UNK: variants seen among roughly 807,000 people sequenced by gnomAD.
UNK encodes the protein RING finger protein unkempt homolog.
Under a neutral mutation model 97.6 loss-of-function variants are expected in UNK, and 32 were observed. The ratio of observed to expected loss-of-function variants is 0.33; its 90% CI spans 0.25 to 0.44. The LOEUF is 0.44. Among genes scored for constraint, UNK ranks in the 20% least tolerant of loss-of-function variants. The pLI, the probability that UNK is intolerant of heterozygous loss-of-function variation, is 1.00. For missense variants in UNK, 771 were observed against 1,098.4 expected (o/e 0.70, Z 4.21); for synonymous variants, 441 against 461.2 (o/e 0.96, Z 0.56).
At chr17:75,811,573 C>T (rs972142557) in intron 2 of UNK, among the ~76,000 whole-genome samples, 3 of 152,238 alleles carry the variant, frequency 2.0e-5, no homozygotes, top group Non-Finnish European at 1.5e-5. Context: ...CCTGGAATGC[C>T]AGGCCCTGTT....
intron 1 of UNK, among the ~76,000 whole-genome samples, chr17:75,804,690 A>T (rs1394970912): frequency 6.6e-6 from 1 of 151,270 alleles, no homozygotes; most frequent in East Asian, 1.9e-4. Flanking sequence ...AAATACAAAA[A>T]TTAGCCAGGT....
intron 1 of UNK, among the ~76,000 whole-genome samples, chr17:75,788,399 C>T (rs570532233): frequency 2.6e-5 from 4 of 152,136 alleles, no homozygotes; most frequent in South Asian, 4.1e-4. Flanking sequence ...AGGCTGATCT[C>T]GAACTCCTAA....
In UNK at chr17:75,823,657, A is replaced by G. The variant is rs1227064259; in HGVS notation, c.2277+135A>G. The G allele has an allele frequency of 7.0e-6, 9 of 1,288,718 alleles. No individual in the cohort carries two copies. In the African/African-American group the frequency reaches 1.2e-4, roughly 17 times the overall value. The allele number at this position is 1,288,718 out of a possible 1,614,324, so 79.8% of individuals were successfully genotyped here. On this transcript the variant is annotated intron_variant, in intron 15 of 15. Transcript: ENST00000589666. ...CTGCCCAGCACTGGGCCAGCACTCA[A>G]AAGGCCGGCCTGCTGGGAATGGGTG... is the stretch of plus-strand genomic sequence containing the variant.
intron 1 of UNK, among the ~76,000 whole-genome samples, chr17:75,787,262 A>T (rs1048670290): frequency 1.3e-5 from 2 of 151,976 alleles, no homozygotes; most frequent in African/African-American, 4.8e-5. Context: ...TCCAGGCTAT[A>T]GTGCAGTGTC....
chr17:75,789,779 C>G (rs941779331), intron 1 of UNK, among the ~76,000 whole-genome samples: 1 of 152,122 alleles, frequency 6.6e-6, no homozygotes, highest in Non-Finnish European at 1.5e-5. Flanking sequence ...GTAGCAATCA[C>G]GTCTCAAAAT....
chr17:75,785,311 T>G, intron 1 of UNK: 1 of 254,282 alleles, frequency 3.9e-6, no homozygotes, highest in South Asian at 6.0e-5. Flanking sequence ...TAGGCTCCTT[T>G]GGGGCAGTGA....
intron 1 of UNK, among the ~76,000 whole-genome samples, chr17:75,805,777 A>G (rs779260504): frequency 1.3e-4 from 20 of 151,278 alleles, no homozygotes; most frequent in South Asian, 4.2e-4. Context: ...CAGCCTGGGC[A>G]ACAGAGCGAG....
intron 1 of UNK, among the ~76,000 whole-genome samples, chr17:75,790,532 C>T (rs780491063): frequency 1.8e-4 from 27 of 151,502 alleles, no homozygotes; most frequent in Non-Finnish European, 3.5e-4. Flanking sequence ...CTCAGGAGGC[C>T]GAGGTGGGAG....
rs2062024448 is a variant in UNK at position 75,817,190 on chromosome 17, G to A, written c.1105-136G>A. ...CCTTCGTGAGCTTCGGGCTCCCCGAGTGGTCACTGCTGCTCGTTGGCAGAT... is the reference window on the plus strand; with the variant it reads ...CCTTCGTGAGCTTCGGGCTCCCCGAATGGTCACTGCTGCTCGTTGGCAGAT... On this transcript the variant is annotated intron_variant, in intron 8 of 15. Coordinates refer to ENST00000589666, the MANE Select transcript of UNK (RefSeq NM_001080419.3). This position sits in a 1 kb window ranked among gnomAD's most constrained non-coding sequence, Gnocchi z 5.8. 1 of 1,109,046 alleles carries A rather than the reference G, an allele frequency of 9.0e-7. No individual in the cohort carries two copies. The highest frequency in any genetic ancestry group is 2.5e-5 in the East Asian group (1 of 39,862). The allele number at this position is 1,109,046 out of a possible 1,614,324, so 68.7% of individuals were successfully genotyped here.
At chr17:75,807,506 A>G (rs191545677) in intron 1 of UNK, among the ~76,000 whole-genome samples, 1 of 152,352 alleles carries the variant, frequency 6.6e-6, no homozygotes, top group East Asian at 1.9e-4. Flanking sequence ...CCCTGGCTGG[A>G]GTGCAATGGC....
intron 1 of UNK, among the ~76,000 whole-genome samples, chr17:75,806,994 G>A (rs79545349): frequency 6.6e-6 from 1 of 152,318 alleles, no homozygotes; most frequent in East Asian, 1.9e-4. Flanking sequence ...GCCAGCCAGA[G>A]CCTCTGTGGA....
At chr17:75,785,655 A>C (rs1392455778) in intron 1 of UNK, 2 of 152,230 alleles carry the variant, frequency 1.3e-5, no homozygotes, top group African/African-American at 2.4e-5. Flanking sequence ...GGGAGCCCCA[A>C]ATACTGACAC....
At chr17:75,786,412 C>G (rs1479758610) in intron 1 of UNK, among the ~76,000 whole-genome samples, 2 of 152,258 alleles carry the variant, frequency 1.3e-5, no homozygotes, top group East Asian at 3.9e-4. Context: ...GCTTCAGCAA[C>G]TTGTGTTTCT....
chr17:75,824,473 T>TATATATATATATATGA lies in UNK; in HGVS notation c.*72_*87dup, dbSNP rs1491353577. The TATATATATATATATGA allele has an allele frequency of 1.2e-6, 1 of 844,206 alleles. No individual in the cohort carries two copies. Among genetic ancestry groups the TATATATATATATATGA allele is most frequent in the African/African-American group, 1.8e-5 (1 of 54,832 alleles). The allele number at this position is 844,206 out of a possible 1,614,324, so 52.3% of individuals were successfully genotyped here. On this transcript the variant is annotated 3_prime_UTR_variant, in exon 16 of 16. Coordinates refer to ENST00000589666, the MANE Select transcript of UNK (RefSeq NM_001080419.3). This position sits in a 1 kb window ranked among gnomAD's most constrained non-coding sequence, Gnocchi z 4.9. Reference sequence around the variant, plus strand: ...TCTTCTCACCTAGGACTTTTTAAAGTATATATATATATATGAATATATATA... The same window carrying TATATATATATATATGA: ...TCTTCTCACCTAGGACTTTTTAAAGTATATATATATATATGAATATATATATATATGAATATATATA...
Position 75,824,518 on chromosome 17 carries a change from G to C in UNK, c.*101G>C, listed in dbSNP as rs1381339629. 1.8e-5 allele frequency: 15 copies of C among 846,886 alleles called. No homozygotes were observed. Among genetic ancestry groups the C allele is most frequent in the Non-Finnish European group, 2.1e-5 (14 of 660,282 alleles). The allele number at this position is 846,886 out of a possible 1,614,324, so 52.5% of individuals were successfully genotyped here. A position where few individuals can be genotyped will look rare whatever the true frequency, so the allele number is the denominator to read the frequency against. On this transcript the variant is annotated 3_prime_UTR_variant, in exon 16 of 16. Coordinates refer to ENST00000589666, the MANE Select transcript of UNK (RefSeq NM_001080419.3). The surrounding 1 kb of genome is among the most constrained non-coding windows in gnomAD (Gnocchi z 4.9). Reference sequence around the variant, plus strand: ...TATATATATATGTGTATGTATGTATGTATATGTATATGATTATGTATATGT... The same window carrying C: ...TATATATATATGTGTATGTATGTATCTATATGTATATGATTATGTATATGT...
In UNK at chr17:75,819,410, G is replaced by A. The variant is rs1023928530; in HGVS notation, c.1547-274G>A. Among the ~76,000 whole-genome samples, 8 of 152,296 alleles carry A rather than the reference G, an allele frequency of 5.3e-5. No homozygotes were observed. In the South Asian group the frequency reaches 1.0e-3, roughly 20 times the overall value. ...ACATCAGGGGACAAGACCCTTGTCCGAGGCAGGGACCCTGGATGGGGATGT... is the reference window on the plus strand; with the variant it reads ...ACATCAGGGGACAAGACCCTTGTCCAAGGCAGGGACCCTGGATGGGGATGT... On this transcript the variant is annotated intron_variant, in intron 11 of 15. Coordinates refer to ENST00000589666, the MANE Select transcript of UNK (RefSeq NM_001080419.3). This position sits in a 1 kb window ranked among gnomAD's most constrained non-coding sequence, Gnocchi z 5.4.
rs777410253 is a variant in UNK, at chr17:75,818,983, C to T, written c.1546+167C>T. ...CCTTTGAGCTAAAGGGGAAATGACC[C>T]CAAGGTGTAGGGCCAGGACTGACCC... On this transcript the variant is annotated intron_variant, in intron 11 of 15. Transcript: ENST00000589666. The surrounding 1 kb of genome is among the most constrained non-coding windows in gnomAD (Gnocchi z 5.1). 1.2e-6 allele frequency: 1 copy of T among 813,008 alleles called. No homozygotes were observed. The allele number at this position is 813,008 out of a possible 1,614,324, so 50.4% of individuals were successfully genotyped here. A position where few individuals can be genotyped will look rare whatever the true frequency, so the allele number is the denominator to read the frequency against.
At chr17:75,815,372 G>A in intron 7 of UNK, 119 bp downstream of exon 7, 2 of 900,356 alleles carry the variant, frequency 2.2e-6, no homozygotes, top group South Asian at 1.8e-5. Flanking sequence ...GTTCTGGCCT[G>A]CCAGCAGCAG....
chr17:75,787,275 C>T (rs1599353336), intron 1 of UNK, among the ~76,000 whole-genome samples: 1 of 151,966 alleles, frequency 6.6e-6, no homozygotes, highest in African/African-American at 2.4e-5. Context: ...GCAGTGTCAC[C>T]ATCTCAGCTC....
Sources: gnomAD v4.1 joint callset for allele counts (sites outside exome capture counted in the v4.1 genomes callset) on GRCh38, gnomAD v4.1.1 for gene constraint, Gnocchi (gnomAD v3.1) non-coding constraint, MANE v1.5 for transcripts, NCBI Gene and HGNC (gene_info 2026-07-23, HGNC 2026-07-21) for gene names.